Variants in DMXL2 observed in about 807,000 individuals in gnomAD.
DMXL2 encodes the protein Dmx like 2.
DMXL2 carries 103 observed loss-of-function variants against 331.1 expected under a neutral mutation model. The ratio of observed to expected loss-of-function variants is 0.31; its 90% confidence interval spans 0.27 to 0.37. The LOEUF (loss-of-function observed/expected upper bound fraction) is 0.37, where lower values mean the gene tolerates loss of function less well. Ranked by LOEUF, DMXL2 falls within the 10% of genes least tolerant of loss-of-function variation. DMXL2 has a pLI of 1.00. For synonymous variants in DMXL2, 1,281 were observed against 1,252.1 expected (o/e 1.02, Z -0.49); for missense variants, 3,171 against 3,642.9 (o/e 0.87, Z 3.33).
chr15:51,468,995 A>ATTTT (rs1447054870), intron 29 of DMXL2, among the ~76,000 whole-genome samples: 1 of 152,110 alleles, frequency 6.6e-6, no homozygotes, highest in Non-Finnish European at 1.5e-5. Context: ...GAGCCTATAG[A>ATTTT]TTAAAAGAGA....
intron 1 of DMXL2, among the ~76,000 whole-genome samples, chr15:51,582,290 T>C (rs2051482784): frequency 1.3e-5 from 2 of 152,200 alleles, no homozygotes; most frequent in African/African-American, 4.8e-5. Flanking sequence ...ATGACTATAA[T>C]TCAAACTCAG....
At chr15:51,492,198 A>AT (rs2042853013) in intron 19 of DMXL2, among the ~76,000 whole-genome samples, 1 of 152,210 alleles carries the variant, frequency 6.6e-6, no homozygotes, top group African/African-American at 2.4e-5. Flanking sequence ...AAGGTGTGTT[A>AT]TCCCCCACAA....
intron 1 of DMXL2, among the ~76,000 whole-genome samples, chr15:51,589,190 G>C (rs1313937060): frequency 6.6e-6 from 1 of 152,098 alleles, no homozygotes; most frequent in East Asian, 1.9e-4. Flanking sequence ...AGAAAGAGTG[G>C]AGCTGAAAAG....
rs879284352 is a variant in DMXL2 at position 51,518,803 on chromosome 15, CAG to C, written c.2437-1638_2437-1637del. Among the ~76,000 whole-genome samples, 99 of 152,276 alleles carry C rather than the reference CAG, an allele frequency of 6.5e-4. 1 individual carries two copies. The highest frequency in any genetic ancestry group is 6.1e-3 in the Admixed American group (94 of 15,292). Reference sequence around the variant, plus strand: ...AACTCTCTGCCAGCACTATAATTAACAGACTTTCTGAACACTACACTACAGAA... The same window carrying C: ...AACTCTCTGCCAGCACTATAATTAACACTTTCTGAACACTACACTACAGAA... On this transcript the variant is annotated intron_variant, in intron 13 of 43. Transcript: ENST00000560891.
intron 6 of DMXL2, among the ~76,000 whole-genome samples, chr15:51,553,945 G>A (rs187368029): frequency 6.6e-6 from 1 of 152,306 alleles, no homozygotes; most frequent in Non-Finnish European, 1.5e-5. Flanking sequence ...TGACTGTGCA[G>A]GGGGTTGGAT....
chr15:51,526,151 G>A (rs1211299325), intron 13 of DMXL2, among the ~76,000 whole-genome samples: 3 of 129,322 alleles, frequency 2.3e-5, no homozygotes, highest in Non-Finnish European at 3.3e-5. Flanking sequence ...AGAGAGAGGG[G>A]GTGGGAGAGA....
At chr15:51,463,777 C>G (rs1204895174) in intron 32 of DMXL2, among the ~76,000 whole-genome samples, 1 of 152,076 alleles carries the variant, frequency 6.6e-6, no homozygotes, top group Non-Finnish European at 1.5e-5. Context: ...TCTTATTATT[C>G]TCTTTTTAAA....
chr15:51,593,729 T>A (rs1212274789), intron 1 of DMXL2, among the ~76,000 whole-genome samples: 1 of 152,184 alleles, frequency 6.6e-6, no homozygotes, highest in South Asian at 2.1e-4. Flanking sequence ...CAGACCACAG[T>A]GCAATCAAAC....
intron 13 of DMXL2, among the ~76,000 whole-genome samples, chr15:51,524,299 T>C (rs560593552): frequency 6.6e-6 from 1 of 152,300 alleles, no homozygotes; most frequent in East Asian, 1.9e-4. Context: ...TTCCTCAACT[T>C]GATAAAGAGT....
In DMXL2 at chr15:51,542,503, A is replaced by G. The variant is rs1391818277; in HGVS notation, c.935T>C (p.Ile312Thr). The part of the protein sequence containing the change: ...KDRIQHALET[I>T]HHLKNLRKGQ... ...TTTCCTTAAATTTTTCAAATGGTGT[A>G]TTGTCTAAAATAGAAAAATAGTTGC... The change falls in exon 9 of 44, where the codon ATA (isoleucine) becomes ACA (threonine). Residue 312 changes from isoleucine to threonine, a missense_variant. This residue lies in a region of DMXL2 where 1,674 missense variants were observed against 1,780.2 expected (regional missense o/e 0.94). Coordinates refer to ENST00000560891, the MANE Select transcript of DMXL2 (RefSeq NM_001378457.1). 2 of 1,605,722 alleles carry G rather than the reference A, an allele frequency of 1.2e-6. No individual in the cohort carries two copies. Among genetic ancestry groups the G allele is most frequent in the East Asian group, 2.2e-5 (1 of 44,740 alleles).
intron 29 of DMXL2, 83 bp from the exon 30 acceptor site, chr15:51,466,394 T>TAA: frequency 4.6e-6 from 2 of 438,664 alleles, no homozygotes; most frequent in Non-Finnish European, 6.6e-6. Context: ...ATGTATTATA[T>TAA]ATTTAATATA....
At chr15:51,527,661 G>T (rs568945742) in intron 13 of DMXL2, among the ~76,000 whole-genome samples, 16 of 151,978 alleles carry the variant, frequency 1.1e-4, no homozygotes, top group African/African-American at 3.9e-4. Flanking sequence ...GGCAGAGGTT[G>T]CAGTGAGCCG....
Position 51,474,472 on chromosome 15 carries a change from G to C in DMXL2, c.7085C>G (p.Ala2362Gly). 1 of 1,614,138 alleles carries C rather than the reference G, an allele frequency of 6.2e-7. No individual in the cohort carries two copies. The highest frequency in any genetic ancestry group is 1.1e-5 in the South Asian group (1 of 91,084). ...AAATAATTCACTGGAGGAATTTGTGGCAAGAGCATGTATCAATAAACTTAA... is the reference window on the plus strand; with the variant it reads ...AAATAATTCACTGGAGGAATTTGTGCCAAGAGCATGTATCAATAAACTTAA... ...VYLSLLIHAL[A>G]TNSSSELFRL... Residue 2362 changes from alanine (A) to glycine (G), a missense_variant, in exon 28 of 44, where the codon GCC becomes GGC. Physicochemically the swap from Ala to Gly is moderately conservative, Grantham distance 60. Transcript: ENST00000560891.
Position 51,502,788 on chromosome 15 carries a change from G to C in DMXL2, c.2992+18C>G. 6.3e-7 allele frequency: 1 copy of C among 1,577,878 alleles called. No homozygotes were observed. The highest frequency in any genetic ancestry group is 8.7e-7 in the Non-Finnish European group (1 of 1,147,042). ...TATCACTCTGAGCTACCACTGCCCA[G>C]TCTTAAAGTGACCTTACCTGCTGAA... On this transcript the variant is annotated intron_variant, in intron 17 of 43. Transcript: ENST00000560891.
At position 51,476,579 on chromosome 15, in the gene DMXL2, A is replaced by C; in HGVS notation, c.6964+10T>G. 6.3e-7 allele frequency: 1 copy of C among 1,595,822 alleles called. No homozygotes were observed. The highest frequency in any genetic ancestry group is 1.2e-5 in the South Asian group (1 of 86,134). ...GAAGATTTTTTTTTTTTAATCATTT[A>C]AATTCTCACCAGGCCATTGAGCAGG... is the stretch of plus-strand genomic sequence containing the variant. On this transcript the variant is annotated intron_variant, in intron 27 of 43. Coordinates refer to ENST00000560891, the MANE Select transcript of DMXL2 (RefSeq NM_001378457.1).
rs766901713 is a variant in DMXL2, at chr15:51,576,151, A to G, written c.118T>C (p.Leu40=). 6.7e-7 allele frequency: 1 copy of G among 1,496,980 alleles called. No individual in the cohort carries two copies. The highest frequency in any genetic ancestry group is 9.1e-7 in the Non-Finnish European group (1 of 1,098,328). The allele number at this position is 1,496,980 out of a possible 1,614,324, so 92.7% of individuals were successfully genotyped here. A position where few individuals can be genotyped will look rare whatever the true frequency, so the allele number is the denominator to read the frequency against. The change falls in exon 2 of 44, where the codon TTG becomes CTG. Residue 40 remains leucine (L), a synonymous_variant. Coordinates refer to ENST00000560891, the MANE Select transcript of DMXL2 (RefSeq NM_001378457.1). The part of the protein sequence containing the change: ...AYGSGCDIVI[L]ANDFECVQII... ...TGTACACATTCAAAGTCATTTGCCA[A>G]AATAACAATATCACAGCCTGATCCA...
intron 33 of DMXL2, among the ~76,000 whole-genome samples, chr15:51,461,063 C>G (rs1264780181): frequency 6.6e-6 from 1 of 152,150 alleles, no homozygotes; most frequent in African/African-American, 2.4e-5. Flanking sequence ...ACAGTAATTC[C>G]ATTCAATGTT....
chr15:51,463,341 A>C (rs971244620), intron 33 of DMXL2, 38 bp downstream of exon 33: 7 of 1,272,824 alleles, frequency 5.5e-6, no homozygotes, highest in Non-Finnish European at 7.8e-6. Flanking sequence ...AAGAAAACTA[A>C]AGAAAAATTA....
At chr15:51,504,897 C>G (rs1486831264) in intron 16 of DMXL2, among the ~76,000 whole-genome samples, 3 of 152,096 alleles carry the variant, frequency 2.0e-5, no homozygotes, top group Non-Finnish European at 4.4e-5. Flanking sequence ...TAACATATAT[C>G]TCATGCTAAG....
Sources: gnomAD v4.1 joint callset for allele counts (sites outside exome capture counted in the v4.1 genomes callset) on GRCh38, gnomAD v4.1.1 for gene constraint, gnomAD v4.1.1 regional missense constraint, MANE v1.5 for transcripts, NCBI Gene and HGNC (gene_info 2026-07-23, HGNC 2026-07-21) for gene names.